Variants in PHACTR2 observed in about 807,000 individuals in gnomAD.
PHACTR2 encodes the protein chromosome 6 open reading frame 56.
In PHACTR2, 30 loss-of-function variants were observed where a neutral mutation model predicts 76.0. The observed-to-expected ratio is 0.39, with a 90% CI of 0.30 to 0.54. PHACTR2 has a LOEUF of 0.54. Ranked by LOEUF, PHACTR2 falls within the 20% of genes least tolerant of loss-of-function variation. PHACTR2 has a pLI of 0.61. For synonymous variants in PHACTR2, 292 were observed against 292.5 expected, an observed-to-expected ratio of 1.00 and a Z score of 0.02; for missense variants, 696 against 781.1, an observed-to-expected ratio of 0.89 and a Z score of 1.30.
chr6:143,692,449 C>A (rs9496734), intron 1 of PHACTR2, among the ~76,000 whole-genome samples: 4 of 151,942 alleles, frequency 2.6e-5, no homozygotes, highest in African/African-American at 9.7e-5. Flanking sequence ...GGCCTCTAAA[C>A]CAGAATTGTA....
rs1016615742 is a variant in PHACTR2, at chr6:143,761,612, G to A, written c.694+972G>A. Among the ~76,000 whole-genome samples the A allele has an allele frequency of 1.8e-4, 28 of 152,086 alleles. No individual in the cohort carries two copies. Among genetic ancestry groups the A allele is most frequent in the African/African-American group, 6.3e-4 (26 of 41,418 alleles). ...CTGCTAAAAATACAAGAATTAGCCAGGCGTCGTGGCGTGCACCTCTAATCC... is the reference window on the plus strand; with the variant it reads ...CTGCTAAAAATACAAGAATTAGCCAAGCGTCGTGGCGTGCACCTCTAATCC... On this transcript the variant is annotated intron_variant, in intron 5 of 12. Transcript: ENST00000440869. The surrounding 1 kb of genome is among the most constrained non-coding windows in gnomAD (Gnocchi z 5.2).
Position 143,700,931 on chromosome 6 carries a change from G to C in PHACTR2, c.47-11085G>C, listed in dbSNP as rs1005872030. ...AGCGACATCTTGCTATTCCTAAGCA[G>C]TCATCCTATCTGTTCATAGAGACAA... On this transcript the variant is annotated intron_variant, in intron 1 of 12. Coordinates refer to ENST00000440869, the MANE Select transcript of PHACTR2 (RefSeq NM_001100164.2). This position sits in a 1 kb window ranked among gnomAD's most constrained non-coding sequence, Gnocchi z 4.1. 1.3e-5 allele frequency among the ~76,000 whole-genome samples: 2 copies of C among 152,228 alleles called. No homozygotes were observed. The highest frequency in any genetic ancestry group is 2.9e-5 in the Non-Finnish European group (2 of 68,042).
intron 11 of PHACTR2, among the ~76,000 whole-genome samples, chr6:143,799,722 C>T (rs1775911373): frequency 6.6e-6 from 1 of 152,164 alleles, no homozygotes; most frequent in Non-Finnish European, 1.5e-5. Context: ...ATCCTGAGTT[C>T]TAATTTTATT....
chr6:143,637,914 G>A (rs182887613), intron 1 of PHACTR2, among the ~76,000 whole-genome samples: 1 of 152,304 alleles, frequency 6.6e-6, no homozygotes, highest in Non-Finnish European at 1.5e-5. Flanking sequence ...ACAAGACACA[G>A]GTCCCACCCA....
chr6:143,729,074 A>C (rs1778641005), intron 2 of PHACTR2, among the ~76,000 whole-genome samples: 1 of 152,204 alleles, frequency 6.6e-6, no homozygotes. Context: ...ATGGGAGAAA[A>C]TATTTGCAAA....
At chr6:143,559,690 C>CTTTTTTTTTTTTTTTTTTT (rs5880566) in intron 1 of PHACTR2, among the ~76,000 whole-genome samples, 4 of 31,894 alleles carry the variant, frequency 1.3e-4, no homozygotes, top group East Asian at 1.7e-3. Context: ...TTTTTCTTTT[C>CTTTTTTTTTTTTTTTTTTT]TTTTTTTTTT....
At chr6:143,642,734 T>C (rs964561438) in intron 1 of PHACTR2, among the ~76,000 whole-genome samples, 1 of 152,180 alleles carries the variant, frequency 6.6e-6, no homozygotes, top group African/African-American at 2.4e-5. Context: ...AGACAGAGAT[T>C]GGGTGATGCT....
chr6:143,779,559 A>G (rs1388277422), intron 9 of PHACTR2, among the ~76,000 whole-genome samples: 5 of 152,140 alleles, frequency 3.3e-5, no homozygotes, highest in Admixed American at 6.5e-5. Context: ...TATGTTGGCC[A>G]GGCTGGTCTC....
In PHACTR2 at chr6:143,695,515, G is replaced by T. The variant is rs1302339150; in HGVS notation, c.47-16501G>T. 6.6e-6 allele frequency among the ~76,000 whole-genome samples: 1 copy of T among 152,184 alleles called. No individual in the cohort carries two copies. The highest frequency in any genetic ancestry group is 2.1e-4 in the South Asian group (1 of 4,824). On this transcript the variant is annotated intron_variant, in intron 1 of 12. Transcript: ENST00000440869. This position sits in a 1 kb window ranked among gnomAD's most constrained non-coding sequence, Gnocchi z 4.4. ...ATAACTGATAAGGATTTAATTAATT[G>T]CTTGTGGTTTTGCAGTGCCAGTCCA...
rs1434542424 is a variant in PHACTR2 at position 143,818,071 on chromosome 6, A to G, written c.1923-5603A>G. Among the ~76,000 whole-genome samples, 1 of 152,240 alleles carries G rather than the reference A, an allele frequency of 6.6e-6. No individual in the cohort carries two copies. The highest frequency in any genetic ancestry group is 1.9e-4 in the East Asian group (1 of 5,208). ...GTTTGATCATTACACATTTTATGCC[A>G]TCAAAATATCACTCTGTACCCCATA... is the stretch of plus-strand genomic sequence containing the variant. On this transcript the variant is annotated intron_variant, in intron 12 of 12. Transcript: ENST00000440869. This position sits in a 1 kb window ranked among gnomAD's most constrained non-coding sequence, Gnocchi z 4.9.
In PHACTR2 at chr6:143,554,566, A is replaced by G. The variant is rs1246865300; in HGVS notation, c.217+17359A>G. The stretch of plus-strand genomic sequence containing the variant: ...TTAGAGCAGTCTTGCTGAAGACAGG[A>G]CAGGATGATCAGCCCTCACCTGAGG... On this transcript the variant is annotated intron_variant, in intron 1 of 11. Coordinates refer to the PHACTR2 transcript ENST00000367584. This position sits in a 1 kb window ranked among gnomAD's most constrained non-coding sequence, Gnocchi z 5.9. The G allele has an allele frequency of 6.6e-6, 1 of 152,262 alleles. No homozygotes were observed. Among genetic ancestry groups the G allele is most frequent in the East Asian group, 1.9e-4 (1 of 5,184 alleles). The allele number at this position is 152,262 out of a possible 1,614,324, so 9.4% of individuals were successfully genotyped here.
At chr6:143,572,012 C>T (rs1455809258) in intron 1 of PHACTR2, among the ~76,000 whole-genome samples, 3 of 152,148 alleles carry the variant, frequency 2.0e-5, no homozygotes, top group Non-Finnish European at 4.4e-5. Flanking sequence ...GGAGCATAGC[C>T]TATTTTGATA....
intron 1 of PHACTR2, among the ~76,000 whole-genome samples, chr6:143,699,998 G>A (rs558725724): frequency 9.9e-5 from 15 of 152,204 alleles, no homozygotes; most frequent in African/African-American, 2.9e-4. Flanking sequence ...GAGATTGTCC[G>A]GGATACTACA....
rs1159108890 is a variant in PHACTR2 at position 143,751,810 on chromosome 6, A to ACG, written c.296-1943_296-1942insGC. On this transcript the variant is annotated intron_variant, in intron 3 of 12. Coordinates refer to ENST00000440869, the MANE Select transcript of PHACTR2 (RefSeq NM_001100164.2). This position sits in a 1 kb window ranked among gnomAD's most constrained non-coding sequence, Gnocchi z 5.7. ...TTTACTTACACACACACACACACAC[A>ACG]CACACACACACACACTATATCAAGG... Among the ~76,000 whole-genome samples the ACG allele has an allele frequency of 1.3e-5, 2 of 151,774 alleles. No homozygotes were observed. The highest frequency in any genetic ancestry group is 3.9e-4 in the East Asian group (2 of 5,154).
Position 143,656,410 on chromosome 6 carries a change from A to G in PHACTR2, c.13+48088A>G, listed in dbSNP as rs955249349. Reference sequence around the variant, plus strand: ...GCCACACATAAAATACACTAACACTAATGATAGTGGATGAGATTTTTTTTT... The same window carrying G: ...GCCACACATAAAATACACTAACACTGATGATAGTGGATGAGATTTTTTTTT... On this transcript the variant is annotated intron_variant, in intron 1 of 11. Transcript: ENST00000305766. This position sits in a 1 kb window ranked among gnomAD's most constrained non-coding sequence, Gnocchi z 5.3. 6.6e-6 allele frequency among the ~76,000 whole-genome samples: 1 copy of G among 152,176 alleles called. No individual in the cohort carries two copies. The highest frequency in any genetic ancestry group is 1.5e-5 in the Non-Finnish European group (1 of 68,030).
rs1778686755 is a variant in PHACTR2, at chr6:143,730,961, G to T, written c.215-18024G>T. Among the ~76,000 whole-genome samples, 6 of 152,138 alleles carry T rather than the reference G, an allele frequency of 3.9e-5. No individual in the cohort carries two copies. Among genetic ancestry groups the T allele is most frequent in the Admixed American group, 3.9e-4 (6 of 15,258 alleles). ...CGGGGTTTCACTATGTTGGCCCCAG[G>T]CTGGTCTGGAATTCCTGACAACATG... is the stretch of plus-strand genomic sequence containing the variant. On this transcript the variant is annotated intron_variant, in intron 2 of 12. Coordinates refer to ENST00000440869, the MANE Select transcript of PHACTR2 (RefSeq NM_001100164.2). The surrounding 1 kb of genome is among the most constrained non-coding windows in gnomAD (Gnocchi z 4.8).
intron 2 of PHACTR2, among the ~76,000 whole-genome samples, chr6:143,726,005 T>G (rs549266755): frequency 1.4e-4 from 21 of 152,230 alleles, no homozygotes; most frequent in Admixed American, 4.6e-4. Context: ...TATCCATACA[T>G]GAAAGACACA....
At chr6:143,778,078 G>A (rs949907811) in intron 9 of PHACTR2, among the ~76,000 whole-genome samples, 3 of 152,200 alleles carry the variant, frequency 2.0e-5, no homozygotes, top group Non-Finnish European at 2.9e-5. Flanking sequence ...GTGTGGACAG[G>A]CACTGCAGTG....
At chr6:143,677,809 G>C (rs1437045486), upstream of PHACTR2, among the ~76,000 whole-genome samples, 1 of 152,124 alleles carries the variant, frequency 6.6e-6, no homozygotes, top group Non-Finnish European at 1.5e-5. Context: ...CCACCCTGAG[G>C]GGGTGCGGGT....
Sources: allele counts gnomAD v4.1 joint callset (sites outside exome capture counted in the v4.1 genomes callset), GRCh38; gene constraint gnomAD v4.1.1; non-coding constraint Gnocchi (gnomAD v3.1); transcripts MANE v1.5; gene names NCBI Gene and HGNC (gene_info 2026-07-23, HGNC 2026-07-21).